The following CLCN2 variants were observed in gnomAD, a reference collection of about 807,000 sequenced individuals.
CLCN2 encodes chloride channel protein 2.
CLCN2 carries 72 observed loss-of-function variants against 108.3 expected under a neutral mutation model. The ratio of observed to expected loss-of-function variants is 0.66; its 90% CI spans 0.55 to 0.81. CLCN2 has a LOEUF of 0.81. Among genes scored for constraint, CLCN2 ranks in the 30% least tolerant of loss-of-function variants. The probability of loss-of-function intolerance (pLI) is 0.00; values close to 1 mark genes in which losing one functional copy is unlikely to be tolerated. For missense variants in CLCN2, 1,048 were observed against 1,205.2 expected (o/e 0.87, Z 1.93); for synonymous variants, 471 against 467.1 (o/e 1.01, Z -0.11).
chr3:184,354,511 G>A (rs1340503320), intron 14 of CLCN2, 37 bp downstream of exon 14: 4 of 1,543,496 alleles, frequency 2.6e-6, no homozygotes, highest in Admixed American at 1.7e-5. Context: ...CGTGGGTGGG[G>A]GGGTCTCCCA....
At position 184,355,457 on chromosome 3, in the gene CLCN2, G is replaced by T. The variant is rs1409054552; in HGVS notation, c.1243C>A (p.Leu415Ile). ...GCCTGTGAGGTGCTGGGTGGTTCTA[G>T]CTCCTCCACCAGGCCCTGGCGGACC... is the stretch of plus-strand genomic sequence containing the variant. The part of the protein sequence containing the change: ...TWVRQGLVEE[L>I]EPPSTSQAWN... The change falls in exon 12 of 24, where the codon CTA (leucine) becomes ATA (isoleucine). Residue 415 changes from leucine to isoleucine, a missense_variant. Leu to Ile is a conservative substitution (Grantham distance 5). Coordinates refer to ENST00000265593, the MANE Select transcript of CLCN2 (RefSeq NM_004366.6). This position sits in a 1 kb window ranked among gnomAD's most constrained non-coding sequence, Gnocchi z 6.3. The T allele has an allele frequency of 1.9e-6, 3 of 1,613,930 alleles. No homozygotes were observed. The highest frequency in any genetic ancestry group is 1.7e-5 in the Admixed American group (1 of 60,002).
chr3:184,349,669 T>C (rs184061113), intron 22 of CLCN2: 46 of 152,164 alleles, frequency 3.0e-4, no homozygotes, highest in African/African-American at 9.4e-4. Context: ...CTAGGCCCTA[T>C]TGTAAGTGCT....
At chr3:184,360,605 A>G (rs1711926574) in intron 1 of CLCN2, among the ~76,000 whole-genome samples, 1 of 152,174 alleles carries the variant, frequency 6.6e-6, no homozygotes, top group Admixed American at 6.5e-5. Context: ...TTCCAGCCCA[A>G]GCTGGTAAAA....
At position 184,346,551 on chromosome 3, in the gene CLCN2, C is replaced by G. The variant is rs1577296445; in HGVS notation, c.*55G>C. 6 of 1,593,714 alleles carry G rather than the reference C, an allele frequency of 3.8e-6. No individual in the cohort carries two copies. The East Asian group carries it at 1.3e-4, about 36-fold the overall frequency. ...CCGAAGGCAGAAGGAATGAAAGATG[C>G]ACATTCTGGGCTGACGGGCATGGCT... On this transcript the variant is annotated 3_prime_UTR_variant, in exon 24 of 24. Coordinates refer to ENST00000265593, the MANE Select transcript of CLCN2 (RefSeq NM_004366.6). This position sits in a 1 kb window ranked among gnomAD's most constrained non-coding sequence, Gnocchi z 6.0.
intron 22 of CLCN2, among the ~76,000 whole-genome samples, chr3:184,351,431 C>T (rs1272961962): frequency 6.6e-6 from 1 of 152,194 alleles, no homozygotes; most frequent in Non-Finnish European, 1.5e-5. Context: ...CGCATTTCTG[C>T]AGGCTGCTTT....
rs199956757 is a variant in CLCN2 at position 184,359,029 on chromosome 3, G to A, written c.166C>T (p.Arg56Trp). The change falls in exon 2 of 24, where the codon CGG becomes TGG. Residue 56 changes from arginine to tryptophan, a missense_variant. By Grantham distance (101) the Arg-to-Trp change is moderately radical. Transcript: ENST00000265593. ...TATTCCAAGAGCTCTGGGGCAGCCC[G>A]AGAGGAAGGGGGACCTTTCCAGGGT... ...PEPWKGPPSS[R>W]AAPELLEYGR... 31 of 1,613,510 alleles carry A rather than the reference G, an allele frequency of 1.9e-5. No homozygotes were observed. Among genetic ancestry groups the A allele is most frequent in the South Asian group, 8.8e-5 (8 of 91,088 alleles).
In CLCN2 at chr3:184,355,705, T is replaced by C. The variant is rs924281186; in HGVS notation, c.1159A>G (p.Met387Val). ...LTFPPGFGQF[M>V]AGQLSQKETL... ...CTGCCTGTGGTTACCTGTCCAGCCA[T>C]GAACTGTCCAAAGCCAGGGGGGAAG... The change falls in exon 11 of 24, where the codon ATG (methionine) becomes GTG (valine). Residue 387 changes from methionine (M) to valine (V), a missense_variant. Physicochemically the swap from Met to Val is conservative, Grantham distance 21 (BLOSUM62 1). Coordinates refer to ENST00000265593, the MANE Select transcript of CLCN2 (RefSeq NM_004366.6). The surrounding 1 kb of genome is among the most constrained non-coding windows in gnomAD (Gnocchi z 6.3). 7 of 1,613,964 alleles carry C rather than the reference T, an allele frequency of 4.3e-6. No homozygotes were observed. Among genetic ancestry groups the C allele is most frequent in the Admixed American group, 3.3e-5 (2 of 60,000 alleles).
intron 22 of CLCN2, 104 bp downstream of exon 22, chr3:184,351,909 C>T (rs1728127504): frequency 2.3e-6 from 2 of 853,934 alleles, no homozygotes; most frequent in South Asian, 1.3e-5. Context: ...CTCCCTTCTC[C>T]TCCCTCCTTC....
chr3:184,349,618 G>A (rs543513054), intron 22 of CLCN2: 16 of 152,306 alleles, frequency 1.1e-4, no homozygotes, highest in Admixed American at 3.3e-4. Context: ...AGTAGGAGTA[G>A]TAACAGTAAT....
chr3:184,353,468 C>A (rs937679269), intron 16 of CLCN2, 46 bp from the exon 17 acceptor site: 12 of 1,562,702 alleles, frequency 7.7e-6, no homozygotes, highest in East Asian at 4.7e-5. Flanking sequence ...AGGGAGCCCT[C>A]CAGCCCCGTC....
chr3:184,360,263 G>A (rs73887464), intron 1 of CLCN2, among the ~76,000 whole-genome samples: 4 of 152,020 alleles, frequency 2.6e-5, no homozygotes, highest in Non-Finnish European at 5.9e-5. Context: ...GCGGGAGCAG[G>A]CTGGAGCACA....
intron 22 of CLCN2, among the ~76,000 whole-genome samples, chr3:184,349,972 T>C (rs893046692): frequency 2.6e-5 from 4 of 152,196 alleles, no homozygotes; most frequent in African/African-American, 4.8e-5. Context: ...TTCTCTCTCT[T>C]ATCTGAATGT....
intron 8 of CLCN2, 30 bp downstream of exon 8, chr3:184,357,332 G>T (rs372969090): frequency 1.2e-6 from 2 of 1,613,868 alleles, no homozygotes; most frequent in Admixed American, 3.3e-5. Flanking sequence ...GCACCATCTC[G>T]GGCTGCCCTC....
intron 20 of CLCN2, 33 bp from the exon 21 acceptor site, chr3:184,352,364 G>C: frequency 6.2e-7 from 1 of 1,613,664 alleles, no homozygotes; most frequent in Non-Finnish European, 8.5e-7. Context: ...GGCAGCTAGG[G>C]GCTCTGGAGT....
chr3:184,351,921 C>T, intron 22 of CLCN2, 92 bp downstream of exon 22: 1 of 918,024 alleles, frequency 1.1e-6, no homozygotes, highest in Non-Finnish European at 1.8e-6. Flanking sequence ...CCCTCCTTCC[C>T]CACTGGCCTG....
Position 184,358,164 on chromosome 3 carries a change from C to G in CLCN2, c.481+18G>C. ...TTCAGGGGTCCCGCCTCTGCCCTCCCCTTCTCTTCTAACATACCGACAGCC... is the reference window on the plus strand; with the variant it reads ...TTCAGGGGTCCCGCCTCTGCCCTCCGCTTCTCTTCTAACATACCGACAGCC... On this transcript the variant is annotated intron_variant, in intron 4 of 23. Transcript: ENST00000265593. The G allele has an allele frequency of 6.2e-7, 1 of 1,614,172 alleles. No individual in the cohort carries two copies. The highest frequency in any genetic ancestry group is 1.3e-5 in the African/African-American group (1 of 75,070).
Position 184,358,009 on chromosome 3 carries a change from T to A in CLCN2, c.568A>T (p.Ile190Phe). Residue 190 changes from isoleucine to phenylalanine, a missense_variant, in exon 5 of 24, where the codon ATT (isoleucine) becomes TTT (phenylalanine). Coordinates refer to ENST00000265593, the MANE Select transcript of CLCN2 (RefSeq NM_004366.6). ...LTLKTFIAKV[I>F]GLTCALGSGM... ...CTGCCTAGGGCGCAGGTCAGCCCAA[T>A]GACCTTAGCTATAAAGGTCTTGAGT... The A allele has an allele frequency of 1.2e-6, 2 of 1,614,110 alleles. No individual in the cohort carries two copies. The highest frequency in any genetic ancestry group is 3.3e-5 in the Admixed American group (2 of 60,032).
chr3:184,354,127 C>A lies in CLCN2; in HGVS notation c.1695G>T (p.Leu565=). ...GGTGGCGGCCCCAGCCGAGCTCAGG[C>A]AGGTAGGGCAGTTTCTTGATTCGGA... ...SIIRIKKLPY[L]PELGWGRHQQ... is the part of the protein sequence containing the mutation. The change falls in exon 15 of 24, where the codon CTG becomes CTT. Residue 565 remains leucine (L), a synonymous_variant. Transcript: ENST00000265593. 1.2e-6 allele frequency: 2 copies of A among 1,612,558 alleles called. No individual in the cohort carries two copies. Among genetic ancestry groups the A allele is most frequent in the Non-Finnish European group, 1.7e-6 (2 of 1,179,826 alleles).
chr3:184,350,480 T>C (rs1257507837), intron 22 of CLCN2, among the ~76,000 whole-genome samples: 3 of 152,086 alleles, frequency 2.0e-5, no homozygotes, highest in African/African-American at 7.2e-5. Flanking sequence ...TTGTCACCCA[T>C]GCTGGAGTGC....
Sources: allele counts gnomAD v4.1 joint callset (sites outside exome capture counted in the v4.1 genomes callset), GRCh38; gene constraint gnomAD v4.1.1; non-coding constraint Gnocchi (gnomAD v3.1); transcripts MANE v1.5; gene names NCBI Gene and HGNC (gene_info 2026-07-23, HGNC 2026-07-21).